Variants in HS6ST3 observed in about 807,000 individuals in gnomAD.
HS6ST3 encodes the protein heparan sulfate 6-O-sulfotransferase 3, also known as heparan-sulfate 6-O-sulfotransferase 3.
Under a neutral mutation model 36.7 loss-of-function variants are expected in HS6ST3, and 12 were observed. The observed-to-expected ratio is 0.33, with a 90% confidence interval of 0.21 to 0.53. HS6ST3 has a LOEUF of 0.53. HS6ST3 is among the 20% of genes least tolerant of loss of function. The pLI is 0.95. For missense variants in HS6ST3, 584 were observed against 640.9 expected (o/e 0.91, Z 0.96); for synonymous variants, 240 against 257.5 (o/e 0.93, Z 0.65).
At chr13:96,665,694 G>T (rs2056661379) in intron 1 of HS6ST3, among the ~76,000 whole-genome samples, 1 of 152,104 alleles carries the variant, frequency 6.6e-6, no homozygotes, top group African/African-American at 2.4e-5. Flanking sequence ...TCGCAGCTCT[G>T]CCACTGGCTT....
intron 1 of HS6ST3, among the ~76,000 whole-genome samples, chr13:96,472,356 T>C (rs934584433): frequency 3.3e-5 from 5 of 152,218 alleles, no homozygotes; most frequent in African/African-American, 7.2e-5. Flanking sequence ...CCCTTATATA[T>C]GTACAATTTG....
intron 1 of HS6ST3, among the ~76,000 whole-genome samples, chr13:96,301,919 A>AATAATC (rs2054884762): frequency 1.4e-5 from 2 of 147,398 alleles, no homozygotes; most frequent in South Asian, 4.2e-4. Context: ...TAATAATAAT[A>AATAATC]ATAATAATAA....
At chr13:96,153,569 T>C (rs1469295340) in intron 1 of HS6ST3, among the ~76,000 whole-genome samples, 2 of 152,156 alleles carry the variant, frequency 1.3e-5, no homozygotes, top group Non-Finnish European at 2.9e-5. Context: ...GTTGGATCAA[T>C]TTCCAGGACA....
chr13:96,253,391 C>T (rs1321527290), intron 1 of HS6ST3, among the ~76,000 whole-genome samples: 2 of 152,256 alleles, frequency 1.3e-5, no homozygotes, highest in East Asian at 3.9e-4. Context: ...AATCATGGGC[C>T]AAGGGGGCCT....
intron 1 of HS6ST3, among the ~76,000 whole-genome samples, chr13:96,459,290 G>T (rs2055770699): frequency 2.0e-5 from 3 of 151,724 alleles, no homozygotes; most frequent in Non-Finnish European, 4.4e-5. Flanking sequence ...CATGTCTATA[G>T]AACTTCTGAA....
chr13:96,604,247 AT>A (rs2056430981), intron 1 of HS6ST3, among the ~76,000 whole-genome samples: 1 of 152,150 alleles, frequency 6.6e-6, no homozygotes, highest in Non-Finnish European at 1.5e-5. Context: ...CTGCTCATTA[AT>A]TTTTTCACAC....
intron 1 of HS6ST3, among the ~76,000 whole-genome samples, chr13:96,422,025 G>C (rs2055565082): frequency 6.6e-6 from 1 of 151,996 alleles, no homozygotes; most frequent in South Asian, 2.1e-4. Flanking sequence ...TGAATATATT[G>C]CACGTTTCAT....
At chr13:96,457,847 A>G (rs1433721109) in intron 1 of HS6ST3, among the ~76,000 whole-genome samples, 3 of 152,104 alleles carry the variant, frequency 2.0e-5, no homozygotes, top group Non-Finnish European at 2.9e-5. Context: ...TTTTCCAAGA[A>G]AACTTGTTTT....
chr13:96,204,502 A>C (rs889114317), intron 1 of HS6ST3, among the ~76,000 whole-genome samples: 1 of 151,980 alleles, frequency 6.6e-6, no homozygotes, highest in Admixed American at 6.6e-5. Context: ...TCAAGTGGAT[A>C]GATATCTACA....
At chr13:96,285,667 G>T (rs1226008976) in intron 1 of HS6ST3, among the ~76,000 whole-genome samples, 1 of 152,158 alleles carries the variant, frequency 6.6e-6, no homozygotes, top group African/African-American at 2.4e-5. Flanking sequence ...GATATAAGAG[G>T]CGAAGTTTAA....
intron 1 of HS6ST3, among the ~76,000 whole-genome samples, chr13:96,517,000 T>G (rs1471534777): frequency 2.0e-5 from 3 of 152,190 alleles, no homozygotes; most frequent in African/African-American, 4.8e-5. Context: ...TTTAAGGCAG[T>G]GTTTGAAAGC....
chr13:96,216,636 T>TG (rs1375558375), intron 1 of HS6ST3, among the ~76,000 whole-genome samples: 1 of 152,094 alleles, frequency 6.6e-6, no homozygotes, highest in Non-Finnish European at 1.5e-5. Context: ...TGTGTCGTTG[T>TG]GGGGTGGGCA....
intron 1 of HS6ST3, among the ~76,000 whole-genome samples, chr13:96,142,298 A>G (rs2054035837): frequency 6.6e-6 from 1 of 152,202 alleles, no homozygotes; most frequent in African/African-American, 2.4e-5. Flanking sequence ...ATTTAAAGGT[A>G]ATTGTACATT....
At chr13:96,562,026 G>A (rs2056264116) in intron 1 of HS6ST3, among the ~76,000 whole-genome samples, 1 of 152,066 alleles carries the variant, frequency 6.6e-6, no homozygotes, top group African/African-American at 2.4e-5. Flanking sequence ...CCCATTGCTG[G>A]GTATATGTCC....
At chr13:96,171,260 AACC>A (rs1428558956) in intron 1 of HS6ST3, among the ~76,000 whole-genome samples, 1 of 152,198 alleles carries the variant, frequency 6.6e-6, no homozygotes, top group Non-Finnish European at 1.5e-5. Flanking sequence ...ATTTATCTTT[AACC>A]ATCTCCTTCC....
rs536198456 is a variant in HS6ST3, at chr13:96,255,098, A to G, written c.707+163529A>G. The stretch of plus-strand genomic sequence containing the variant: ...ACTTTTCAGAACCTTTTCAAAATTT[A>G]TTCAACAAGTAATTAGTATCTGTTA... On this transcript the variant is annotated intron_variant, in intron 1 of 1. Coordinates refer to ENST00000376705, the MANE Select transcript of HS6ST3 (RefSeq NM_153456.4). Among the ~76,000 whole-genome samples, 9 of 152,356 alleles carry G rather than the reference A, an allele frequency of 5.9e-5. No individual in the cohort carries two copies. The South Asian group carries it at 8.3e-4, about 14-fold the overall frequency.
At chr13:96,808,293 A>C (rs2138532952) in intron 1 of HS6ST3, among the ~76,000 whole-genome samples, 1 of 152,292 alleles carries the variant, frequency 6.6e-6, no homozygotes, top group East Asian at 1.9e-4. Flanking sequence ...TCCTGACCCC[A>C]TTGTGGCTGG....
intron 1 of HS6ST3, among the ~76,000 whole-genome samples, chr13:96,559,126 T>C (rs200022996): frequency 2.0e-5 from 3 of 147,584 alleles, no homozygotes; most frequent in East Asian, 2.0e-4. Flanking sequence ...ATCTATCTAT[T>C]TATTTATTGA....
At chr13:96,799,492 G>A (rs979933784) in intron 1 of HS6ST3, among the ~76,000 whole-genome samples, 3 of 152,028 alleles carry the variant, frequency 2.0e-5, no homozygotes, top group Admixed American at 2.0e-4. Flanking sequence ...GGACATGGAT[G>A]AAATTGGAAA....
Sources: gnomAD v4.1 joint callset for allele counts (sites outside exome capture counted in the v4.1 genomes callset) on GRCh38, gnomAD v4.1.1 for gene constraint, MANE v1.5 for transcripts, NCBI Gene and HGNC (gene_info 2026-07-23, HGNC 2026-07-21) for gene names.